EIF4G3: variants seen among roughly 807,000 people sequenced by gnomAD.
EIF4G3 encodes the protein eukaryotic translation initiation factor 4 gamma 3, also known as eIF-4-gamma 3.
Under a neutral mutation model 186.4 loss-of-function variants are expected in EIF4G3, and 34 were observed. The observed-to-expected ratio is 0.18, with a 90% CI of 0.14 to 0.24. The LOEUF (loss-of-function observed/expected upper bound fraction) is 0.24. EIF4G3 is among the 10% of genes least tolerant of loss of function. The probability of loss-of-function intolerance (pLI) is 1.00; values close to 1 mark genes in which losing one functional copy is unlikely to be tolerated. For missense variants in EIF4G3, 1,536 were observed against 1,948.5 expected, an observed-to-expected ratio of 0.79 and a Z score of 3.99; for synonymous variants, 673 against 679.5, an observed-to-expected ratio of 0.99 and a Z score of 0.15.
intron 3 of EIF4G3, among the ~76,000 whole-genome samples, chr1:21,072,774 C>T (rs1458955551): frequency 6.6e-6 from 1 of 152,202 alleles, no homozygotes; most frequent in Non-Finnish European, 1.5e-5. Flanking sequence ...TAACACCACA[C>T]TAAGCTTGTT....
chr1:20,941,150 G>T, intron 14 of EIF4G3: 23 of 1,403,812 alleles, frequency 1.6e-5, no homozygotes, highest in Middle Eastern at 2.6e-4. Flanking sequence ...CTGGTTTTTT[G>T]TTTTCTAGCC....
At chr1:21,081,977 G>A (rs2095803447) in intron 3 of EIF4G3, among the ~76,000 whole-genome samples, 1 of 151,202 alleles carries the variant, frequency 6.6e-6, no homozygotes, top group Admixed American at 6.6e-5. Context: ...TAAAAATACA[G>A]AGACACGGTC....
intron 14 of EIF4G3, among the ~76,000 whole-genome samples, chr1:20,929,916 C>T (rs1294044643): frequency 1.3e-5 from 2 of 152,108 alleles, no homozygotes; most frequent in African/African-American, 4.8e-5. Context: ...TAGGCACAGG[C>T]ATACTTTGAA....
chr1:21,027,900 CAAATGAATAGA>C (rs1410098626), intron 4 of EIF4G3, among the ~76,000 whole-genome samples: 1 of 152,036 alleles, frequency 6.6e-6, no homozygotes, highest in East Asian at 1.9e-4. Flanking sequence ...TATGCATCAG[CAAATGAATAGA>C]TAAGCACAAT....
intron 28 of EIF4G3, 75 bp downstream of exon 28, chr1:20,851,183 A>C: frequency 7.3e-7 from 1 of 1,371,524 alleles, no homozygotes; most frequent in Non-Finnish European, 1.0e-6. Flanking sequence ...AAATCTACTC[A>C]GGCACAGTCT....
At chr1:20,880,933 C>A (rs1217335253) in intron 19 of EIF4G3, among the ~76,000 whole-genome samples, 1 of 152,102 alleles carries the variant, frequency 6.6e-6, no homozygotes, top group Admixed American at 6.5e-5. Flanking sequence ...CCTAATAGGG[C>A]CTTTTGTTTT....
intron 4 of EIF4G3, among the ~76,000 whole-genome samples, chr1:21,013,947 A>AT (rs2088005513): frequency 6.6e-6 from 1 of 152,228 alleles, no homozygotes; most frequent in Admixed American, 6.5e-5. Context: ...AGGTGGGTGG[A>AT]TCACCTGAGA....
chr1:20,878,250 T>C (rs575505404), intron 20 of EIF4G3, among the ~76,000 whole-genome samples: 1 of 152,316 alleles, frequency 6.6e-6, no homozygotes, highest in South Asian at 2.1e-4. Context: ...TGAGCCTGCT[T>C]AGAATGTGTT....
intron 4 of EIF4G3, among the ~76,000 whole-genome samples, chr1:21,030,393 G>A (rs965219464): frequency 4.6e-5 from 7 of 152,156 alleles, no homozygotes; most frequent in Non-Finnish European, 8.8e-5. Context: ...TTTTAGAAAT[G>A]GGAGTTGCCC....
chr1:20,936,726 G>A (rs1403764931), intron 14 of EIF4G3, among the ~76,000 whole-genome samples: 1 of 152,142 alleles, frequency 6.6e-6, no homozygotes, highest in Non-Finnish European at 1.5e-5. Flanking sequence ...TACTCTCACA[G>A]TTGAGAATAA....
intron 10 of EIF4G3, among the ~76,000 whole-genome samples, chr1:20,973,785 C>T (rs2076330330): frequency 1.3e-5 from 2 of 152,226 alleles, no homozygotes; most frequent in African/African-American, 4.8e-5. Context: ...TTTGACTGTA[C>T]TGCCCATCTG....
Position 20,981,038 on chromosome 1 carries a change from G to T in EIF4G3, c.378+10C>A. On this transcript the variant is annotated intron_variant, in intron 9 of 36. Transcript: ENST00000602326. ...ATTGCTGGACCACCTAGGCCTCAAA[G>T]ATACTTTACCTGTGGTATACAGTAC... 6.5e-7 allele frequency: 1 copy of T among 1,528,442 alleles called. No homozygotes were observed. The highest frequency in any genetic ancestry group is 8.9e-7 in the Non-Finnish European group (1 of 1,129,626). The allele number at this position is 1,528,442 out of a possible 1,614,324, so 94.7% of individuals were successfully genotyped here. A position where few individuals can be genotyped will look rare whatever the true frequency, so the allele number is the denominator to read the frequency against.
chr1:20,966,686 G>T (rs915797524), intron 12 of EIF4G3, among the ~76,000 whole-genome samples: 1 of 151,884 alleles, frequency 6.6e-6, no homozygotes, highest in African/African-American at 2.4e-5. Flanking sequence ...GTTGGCTAGG[G>T]TGGTTTCGAA....
intron 12 of EIF4G3, among the ~76,000 whole-genome samples, chr1:20,961,405 T>C (rs576834731): frequency 1.6e-4 from 25 of 152,272 alleles, no homozygotes; most frequent in African/African-American, 6.0e-4. Context: ...TAATAATTTT[T>C]ATTACTGCGT....
Position 20,969,606 on chromosome 1 carries a change from T to C in EIF4G3, c.592-10A>G, listed in dbSNP as rs2075403635. On this transcript the variant is annotated splice_polypyrimidine_tract_variant and intron_variant, in intron 11 of 36. Transcript: ENST00000602326. ...GATCCCGAATTCTTATCTATAAGGTTAAATAAAATGACATATGTACAGATG... is the reference window on the plus strand; with the variant it reads ...GATCCCGAATTCTTATCTATAAGGTCAAATAAAATGACATATGTACAGATG... The C allele has an allele frequency of 6.2e-7, 1 of 1,612,234 alleles. No homozygotes were observed. The highest frequency in any genetic ancestry group is 8.5e-7 in the Non-Finnish European group (1 of 1,179,092).
In EIF4G3 at chr1:21,169,084, T is replaced by C. The variant is rs143768621; in HGVS notation, c.-272+7091A>G. Among the ~76,000 whole-genome samples the C allele has an allele frequency of 5.6e-4, 85 of 151,904 alleles. 3 individuals are homozygous for C. Among genetic ancestry groups the C allele is most frequent in the African/African-American group, 1.6e-3 (67 of 41,418 alleles). On this transcript the variant is annotated intron_variant, in intron 2 of 36. Transcript: ENST00000602326. ...TCCTTGGGAGGCTGAGGTGGGAGGA[T>C]TGCTTGAGCCCAGGAGGTCAAGGCT...
intron 3 of EIF4G3, among the ~76,000 whole-genome samples, chr1:21,068,391 A>AAAAAAAAAAAAAAAAAAAAAAAG (rs1319008942): frequency 6.7e-6 from 1 of 149,094 alleles, no homozygotes; most frequent in Non-Finnish European, 1.5e-5. Context: ...AAAAAAAAAA[A>AAAAAAAAAAAAAAAAAAAAAAAG]AAAAAAAAAC....
intron 25 of EIF4G3, 28 bp from the exon 26 acceptor site, chr1:20,855,099 T>A: frequency 6.6e-7 from 1 of 1,507,056 alleles, no homozygotes; most frequent in Non-Finnish European, 9.2e-7. Context: ...ACAAGTCAAT[T>A]ATAGGAAATA....
chr1:20,981,512 TATATATACATACATACATGTATACGC>T lies in EIF4G3; in HGVS notation c.199-311_199-286del, dbSNP rs1371687883. On this transcript the variant is annotated intron_variant, in intron 8 of 36. Transcript: ENST00000602326. ...TACATACATGTATACGCACATACTG[TATATATACATACATACATGTATACGC>T]ACATACTGTATGTATACATACATAC... Among the ~76,000 whole-genome samples, 13 of 134,384 alleles carry T rather than the reference TATATATACATACATACATGTATACGC, an allele frequency of 9.7e-5. 1 individual carries two copies. Among genetic ancestry groups the T allele is most frequent in the African/African-American group, 3.5e-4 (13 of 36,842 alleles). 88.2% of individuals were successfully genotyped at this position (134,384 alleles called of 152,430 possible).
Sources: allele counts gnomAD v4.1 joint callset (sites outside exome capture counted in the v4.1 genomes callset), GRCh38; gene constraint gnomAD v4.1.1; transcripts MANE v1.5; gene names NCBI Gene and HGNC (gene_info 2026-07-23, HGNC 2026-07-21).